The following BRINP3 variants were observed in gnomAD, a reference collection of about 807,000 sequenced individuals.
BRINP3 encodes the protein BMP/retinoic acid-inducible neural-specific protein 3.
In BRINP3, 19 loss-of-function variants were observed where a neutral mutation model predicts 71.0. The observed-to-expected ratio is 0.27, with a 90% confidence interval of 0.19 to 0.39. BRINP3 has a LOEUF of 0.39. BRINP3 is among the 10% of genes least tolerant of loss of function. BRINP3 has a pLI of 1.00. For synonymous variants in BRINP3, 380 were observed against 337.7 expected, an observed-to-expected ratio of 1.13 and a Z score of -1.37; for missense variants, 959 against 940.8, an observed-to-expected ratio of 1.02 and a Z score of -0.25.
intron 2 of BRINP3, among the ~76,000 whole-genome samples, chr1:190,411,386 C>T (rs148765493): frequency 1.6e-4 from 24 of 152,056 alleles, no homozygotes; most frequent in African/African-American, 5.6e-4. Flanking sequence ...GATCATGAAA[C>T]ATTTCTTAAA....
intron 7 of BRINP3, among the ~76,000 whole-genome samples, chr1:190,135,030 A>G (rs1033859578): frequency 1.3e-5 from 2 of 152,130 alleles, no homozygotes; most frequent in Non-Finnish European, 2.9e-5. Context: ...ATATACATCA[A>G]TTAGCATCAG....
intron 6 of BRINP3, among the ~76,000 whole-genome samples, chr1:190,219,389 G>T (rs1353964290): frequency 6.6e-6 from 1 of 151,944 alleles, no homozygotes; most frequent in Non-Finnish European, 1.5e-5. Context: ...ATTTATTAGA[G>T]AAATTTAACA....
At chr1:190,362,078 A>G (rs1363388763) in intron 2 of BRINP3, 1 of 152,192 alleles carries the variant, frequency 6.6e-6, no homozygotes, top group Non-Finnish European at 1.5e-5. Context: ...GAGGGCATAC[A>G]GTGAGATGGC....
chr1:190,277,113 A>ATATT (rs1553276691), intron 3 of BRINP3, among the ~76,000 whole-genome samples: 23 of 107,488 alleles, frequency 2.1e-4, no homozygotes, highest in South Asian at 1.2e-3. Context: ...ATATATATAT[A>ATATT]TATATTTATA....
intron 2 of BRINP3, among the ~76,000 whole-genome samples, chr1:190,444,190 C>T (rs1462198608): frequency 8.2e-6 from 1 of 121,724 alleles, no homozygotes; most frequent in Non-Finnish European, 1.6e-5. Flanking sequence ...GACCGGACGA[C>T]ATTGTGCCAT....
At chr1:190,278,055 G>A (rs1662744042) in intron 3 of BRINP3, among the ~76,000 whole-genome samples, 1 of 151,508 alleles carries the variant, frequency 6.6e-6, no homozygotes, top group Admixed American at 6.6e-5. Context: ...TTCAAGTATG[G>A]TACCCAAAGT....
chr1:190,144,075 A>T (rs2102399579), intron 7 of BRINP3, among the ~76,000 whole-genome samples: 1 of 152,288 alleles, frequency 6.6e-6, no homozygotes, highest in East Asian at 1.9e-4. Context: ...AAGATTCTTT[A>T]AGAGAGGCTG....
intron 7 of BRINP3, among the ~76,000 whole-genome samples, chr1:190,118,640 G>A (rs184527266): frequency 4.1e-4 from 63 of 152,250 alleles, no homozygotes; most frequent in African/African-American, 1.4e-3. Flanking sequence ...GCTGAGCTGG[G>A]ATTTGAAGGG....
At chr1:190,118,350 A>G (rs1455217373) in intron 7 of BRINP3, among the ~76,000 whole-genome samples, 3 of 152,136 alleles carry the variant, frequency 2.0e-5, no homozygotes, top group East Asian at 3.9e-4. Flanking sequence ...TTTACTGTAT[A>G]GATAATGATA....
At position 190,099,024 on chromosome 1, in the gene BRINP3, T is replaced by C. The variant is rs1176165447; in HGVS notation, c.1295A>G (p.Gln432Arg). Reference sequence around the variant, plus strand: ...GGGCAGGAACGCGGTGCAGACCACCTGGTCATTCGGACACGTGCACGAGTG... The same window carrying C: ...GGGCAGGAACGCGGTGCAGACCACCCGGTCATTCGGACACGTGCACGAGTG... ...ETHSCTCPND[Q>R]VVCTAFLPCT... The change falls in exon 8 of 8, where the codon CAG becomes CGG. Residue 432 changes from glutamine (Q) to arginine (R), a missense_variant. Gln to Arg is a conservative substitution (Grantham distance 43). Coordinates refer to ENST00000367462, the MANE Select transcript of BRINP3 (RefSeq NM_199051.3). 6.8e-6 allele frequency: 11 copies of C among 1,614,076 alleles called. No individual in the cohort carries two copies. Among genetic ancestry groups the C allele is most frequent in the Non-Finnish European group, 9.3e-6 (11 of 1,180,030 alleles).
chr1:190,180,485 A>G (rs1652931189), intron 6 of BRINP3, among the ~76,000 whole-genome samples: 1 of 152,226 alleles, frequency 6.6e-6, no homozygotes, highest in Admixed American at 6.5e-5. Context: ...AATATAGGGA[A>G]AAAATGCTGT....
chr1:190,275,773 A>C (rs1662503051), intron 3 of BRINP3, among the ~76,000 whole-genome samples: 1 of 151,668 alleles, frequency 6.6e-6, no homozygotes, highest in South Asian at 2.1e-4. Context: ...GAACACCTTT[A>C]CTAAGATCAA....
intron 3 of BRINP3, among the ~76,000 whole-genome samples, chr1:190,276,576 C>T (rs1289472188): frequency 6.6e-6 from 1 of 150,502 alleles, no homozygotes; most frequent in Non-Finnish European, 1.5e-5. Flanking sequence ...CACACACACA[C>T]AATATTTTGT....
intron 2 of BRINP3, among the ~76,000 whole-genome samples, chr1:190,297,131 C>T (rs959506695): frequency 6.6e-6 from 1 of 151,882 alleles, no homozygotes; most frequent in East Asian, 1.9e-4. Flanking sequence ...AACCTAGAGA[C>T]TTTATACCTC....
At chr1:190,142,914 A>C (rs1350870559) in intron 7 of BRINP3, among the ~76,000 whole-genome samples, 1 of 151,994 alleles carries the variant, frequency 6.6e-6, no homozygotes, top group Non-Finnish European at 1.5e-5. Flanking sequence ...ACTTTTATTG[A>C]AAAAATTTCC....
chr1:190,351,764 T>C (rs1417998342), intron 2 of BRINP3, among the ~76,000 whole-genome samples: 1 of 152,114 alleles, frequency 6.6e-6, no homozygotes, highest in Non-Finnish European at 1.5e-5. Flanking sequence ...ATGATACAGA[T>C]ATAAATTAAC....
intron 2 of BRINP3, among the ~76,000 whole-genome samples, chr1:190,312,662 T>C (rs944504608): frequency 1.3e-5 from 2 of 151,776 alleles, no homozygotes; most frequent in African/African-American, 4.8e-5. Context: ...GGTTCAAAGG[T>C]TTTGAAAAGA....
rs138643516 is a variant in BRINP3 at position 190,461,709 on chromosome 1, A to G, written c.-50-6769T>C. 2.7e-4 allele frequency among the ~76,000 whole-genome samples: 41 copies of G among 152,314 alleles called. 1 individual carries two copies. In the East Asian group the frequency reaches 7.7e-3, roughly 29 times the overall value. On this transcript the variant is annotated intron_variant, in intron 1 of 7. Transcript: ENST00000367462. ...GGTGTGATATGGCTGGCAAGACCATATAATAAAAAGAAAATTTATTCTTCA... is the reference window on the plus strand; with the variant it reads ...GGTGTGATATGGCTGGCAAGACCATGTAATAAAAAGAAAATTTATTCTTCA...
chr1:190,414,556 G>A (rs1425364126), intron 2 of BRINP3, among the ~76,000 whole-genome samples: 1 of 152,088 alleles, frequency 6.6e-6, no homozygotes, highest in Admixed American at 6.6e-5. Flanking sequence ...CACTAACAAG[G>A]GCATTAGATT....
Sources: allele counts gnomAD v4.1 joint callset (sites outside exome capture counted in the v4.1 genomes callset), GRCh38; gene constraint gnomAD v4.1.1; transcripts MANE v1.5; gene names NCBI Gene and HGNC (gene_info 2026-07-23, HGNC 2026-07-21).